Variants in HEATR5A observed in about 807,000 individuals in gnomAD.
HEATR5A encodes HEAT repeat-containing protein 5A.
Under a neutral mutation model 218.8 loss-of-function variants are expected in HEATR5A, and 178 were observed. That is an observed-to-expected ratio of 0.81 (90% CI 0.72 to 0.92). The LOEUF (loss-of-function observed/expected upper bound fraction) is 0.92. Among genes scored for constraint, HEATR5A ranks in the 40% least tolerant of loss-of-function variants. The probability of loss-of-function intolerance (pLI) is 0.00; values close to 1 mark genes in which losing one functional copy is unlikely to be tolerated. For synonymous variants in HEATR5A, 864 were observed against 871.6 expected, an observed-to-expected ratio of 0.99 and a Z score of 0.15; for missense variants, 2,420 against 2,418.9, an observed-to-expected ratio of 1.00 and a Z score of -0.01.
At position 31,344,074 on chromosome 14, in the gene HEATR5A, A is replaced by G. The variant is rs772018028; in HGVS notation, c.3059-9T>C. Reference sequence around the variant, plus strand: ...AATTGAAGTACTGTTACCTAAAATAAAAAGCAGAAAGCTTTTAATAATTGG... The same window carrying G: ...AATTGAAGTACTGTTACCTAAAATAGAAAGCAGAAAGCTTTTAATAATTGG... On this transcript the variant is annotated splice_polypyrimidine_tract_variant and intron_variant, in intron 20 of 35. Transcript: ENST00000543095. 5.4e-6 allele frequency: 8 copies of G among 1,469,398 alleles called. No homozygotes were observed. The South Asian group carries it at 1.1e-4, about 21-fold the overall frequency. The allele number at this position is 1,469,398 out of a possible 1,614,324, so 91.0% of individuals were successfully genotyped here. A position where few individuals can be genotyped will look rare whatever the true frequency, so the allele number is the denominator to read the frequency against.
At chr14:31,305,977 C>T (rs1360308941) in intron 31 of HEATR5A, among the ~76,000 whole-genome samples, 3 of 152,154 alleles carry the variant, frequency 2.0e-5, no homozygotes, top group African/African-American at 7.2e-5. Flanking sequence ...GGTAAACTCT[C>T]CAATACCATA....
Position 31,358,680 on chromosome 14 carries a change from T to G in HEATR5A, c.2368A>C (p.Lys790Gln). 6.2e-7 allele frequency: 1 copy of G among 1,613,920 alleles called. No homozygotes were observed. Among genetic ancestry groups the G allele is most frequent in the Non-Finnish European group, 8.5e-7 (1 of 1,179,864 alleles). Residue 790 changes from lysine to glutamine, a missense_variant, in exon 16 of 36, where the codon AAG becomes CAG. By Grantham distance (53) the Lys-to-Gln change is moderately conservative. Transcript: ENST00000543095. ...TGAGCGCATACAACCCCAAAGAGCT[T>G]GGATGCAGAACTAATAACTGATAGT... Reference protein sequence around the residue: ...PALSVISSASKLFGVVCAHVG... With the variant: ...PALSVISSASQLFGVVCAHVG...
At chr14:31,301,555 T>C (rs1228356772) in intron 33 of HEATR5A, among the ~76,000 whole-genome samples, 1 of 152,192 alleles carries the variant, frequency 6.6e-6, no homozygotes, top group African/African-American at 2.4e-5. Context: ...TCCTTATTTA[T>C]TACTCACTAC....
intron 22 of HEATR5A, among the ~76,000 whole-genome samples, chr14:31,332,985 C>CAA (rs34966796): frequency 2.3e-5 from 3 of 128,494 alleles, no homozygotes; most frequent in Non-Finnish European, 3.3e-5. Context: ...GACTCCATCT[C>CAA]AAAAAAAAAA....
intron 26 of HEATR5A, 71 bp downstream of exon 26, chr14:31,318,153 T>A (rs550084528): frequency 7.7e-7 from 1 of 1,290,850 alleles, no homozygotes; most frequent in African/African-American, 1.5e-5. Context: ...GAAAAAACAT[T>A]GGTAAAAAAA....
At chr14:31,394,008 A>G in intron 6 of HEATR5A, 44 bp downstream of exon 6, 10 of 1,313,314 alleles carry the variant, frequency 7.6e-6, no homozygotes, top group South Asian at 7.2e-5. Flanking sequence ...TCAACTGGGG[A>G]AAAAATTACA....
chr14:31,399,348 AGTTT>A (rs1283331000), intron 3 of HEATR5A, among the ~76,000 whole-genome samples: 1 of 152,212 alleles, frequency 6.6e-6, no homozygotes, highest in African/African-American at 2.4e-5. Context: ...CACACCCTCA[AGTTT>A]GTTACAAAAT....
At chr14:31,375,105 G>T (rs1291008601) in intron 11 of HEATR5A, 137 bp from the exon 12 acceptor site, 5 of 722,194 alleles carry the variant, frequency 6.9e-6, no homozygotes, top group Non-Finnish European at 1.1e-5. Flanking sequence ...TTATCTTCAG[G>T]TTCCAAATTA....
chr14:31,382,534 G>A (rs1340967827), intron 10 of HEATR5A, among the ~76,000 whole-genome samples: 1 of 151,868 alleles, frequency 6.6e-6, no homozygotes, highest in African/African-American at 2.4e-5. Context: ...ACAATTCCTA[G>A]CTATTAAAAA....
intron 14 of HEATR5A, among the ~76,000 whole-genome samples, chr14:31,362,045 A>G (rs1304509428): frequency 6.6e-6 from 1 of 151,984 alleles, no homozygotes; most frequent in Non-Finnish European, 1.5e-5. Context: ...GCTCACTGCA[A>G]CCTTTGCCTC....
rs1385657393 is a variant in HEATR5A, at chr14:31,386,559, A to G, written c.1206T>C (p.Asp402=). 1.3e-6 allele frequency: 2 copies of G among 1,595,702 alleles called. No homozygotes were observed. The highest frequency in any genetic ancestry group is 3.6e-5 in the Admixed American group (2 of 55,756). Residue 402 remains aspartate, a synonymous_variant, in exon 9 of 36, where the codon GAT becomes GAC. Coordinates refer to ENST00000543095, the MANE Select transcript of HEATR5A (RefSeq NM_015473.4). ...AACCAAGCCGGGTTTCCAAATTACC[A>G]TCACTCATTACGGCATCTGATAGAA... is the stretch of plus-strand genomic sequence containing the variant. ...LKKVMDAVMS[D]GNLETRLGST... is the part of the protein sequence containing the mutation.
intron 21 of HEATR5A, among the ~76,000 whole-genome samples, chr14:31,342,272 G>A (rs971847621): frequency 1.3e-5 from 2 of 151,996 alleles, no homozygotes; most frequent in African/African-American, 4.8e-5. Context: ...ACTGTAGTCC[G>A]AGCTACTTCG....
At chr14:31,337,701 G>A in intron 21 of HEATR5A, 87 bp from the exon 22 acceptor site, 1 of 1,162,524 alleles carries the variant, frequency 8.6e-7, no homozygotes. Flanking sequence ...ACCCCTTCCT[G>A]ATTCTGTCCA....
chr14:31,418,706 C>T (rs1414753800), intron 1 of HEATR5A, among the ~76,000 whole-genome samples: 2 of 152,098 alleles, frequency 1.3e-5, no homozygotes, highest in Admixed American at 6.6e-5. Context: ...TCAAACTCTT[C>T]AATTATACTA....
chr14:31,295,983 C>T lies in HEATR5A; in HGVS notation c.5545G>A (p.Val1849Ile), dbSNP rs373472867. ...TVFILSTSPE[V>I]TTIPCLQKRC... ...TTCTGAAGGCATGGGATGGTAGTTACTTCTGGACTGGTAGACAAAATAAAC... is the reference window on the plus strand; with the variant it reads ...TTCTGAAGGCATGGGATGGTAGTTATTTCTGGACTGGTAGACAAAATAAAC... The change falls in exon 34 of 36, where the codon GTA becomes ATA. Residue 1849 changes from valine (V) to isoleucine (I), a missense_variant. By Grantham distance (29) the Val-to-Ile change is conservative. Transcript: ENST00000543095. 3.1e-6 allele frequency: 5 copies of T among 1,613,222 alleles called. No homozygotes were observed. Among genetic ancestry groups the T allele is most frequent in the Non-Finnish European group, 4.2e-6 (5 of 1,179,432 alleles).
At chr14:31,395,955 T>C (rs1004797248) in intron 4 of HEATR5A, among the ~76,000 whole-genome samples, 7 of 152,216 alleles carry the variant, frequency 4.6e-5, no homozygotes, top group Admixed American at 3.3e-4. Context: ...CGCAGTAACT[T>C]TGTGACTTTA....
intron 14 of HEATR5A, among the ~76,000 whole-genome samples, chr14:31,359,902 T>C (rs568279662): frequency 1.3e-5 from 2 of 152,072 alleles, no homozygotes; most frequent in African/African-American, 4.8e-5. Flanking sequence ...TTCACCTACA[T>C]CCCCATTCCT....
chr14:31,362,643 T>C (rs555032729), intron 14 of HEATR5A, among the ~76,000 whole-genome samples: 94 of 103,784 alleles, frequency 9.1e-4, no homozygotes, highest in Middle Eastern at 6.0e-3. Flanking sequence ...TAGCTGGGAG[T>C]GGTGGTGTAC....
chr14:31,340,876 GTTAA>G (rs1173523628), intron 21 of HEATR5A, among the ~76,000 whole-genome samples: 1 of 152,166 alleles, frequency 6.6e-6, no homozygotes, highest in African/African-American at 2.4e-5. Context: ...CTCATCAGAA[GTTAA>G]TTATAGTTTA....
Sources: gnomAD v4.1 joint callset for allele counts (sites outside exome capture counted in the v4.1 genomes callset) on GRCh38, gnomAD v4.1.1 for gene constraint, MANE v1.5 for transcripts, NCBI Gene and HGNC (gene_info 2026-07-23, HGNC 2026-07-21) for gene names.